PRR16: variants seen among roughly 807,000 people sequenced by gnomAD.
PRR16 encodes the protein proline rich 16.
A neutral mutation model predicts 18.2 loss-of-function variants in PRR16; 6 were observed. The observed-to-expected ratio is 0.33, with a 90% CI of 0.18 to 0.65. The LOEUF (loss-of-function observed/expected upper bound fraction) is 0.65, where lower values mean the gene tolerates loss of function less well. Ranked by LOEUF, PRR16 falls within the 30% of genes least tolerant of loss-of-function variation. The pLI is 0.74. For synonymous variants in PRR16, 151 were observed against 147.8 expected, an observed-to-expected ratio of 1.02 and a Z score of -0.16; for missense variants, 412 against 376.6, an observed-to-expected ratio of 1.09 and a Z score of -0.78.
intron 1 of PRR16, among the ~76,000 whole-genome samples, chr5:120,471,664 A>C (rs909085178): frequency 6.6e-6 from 1 of 152,086 alleles, no homozygotes; most frequent in African/African-American, 2.4e-5. Flanking sequence ...TTATTCTAAA[A>C]TTGTTTGTTT....
the PRR16 span, among the ~76,000 whole-genome samples, chr5:120,774,843 A>T: frequency 6.6e-6 from 1 of 152,184 alleles, no homozygotes; most frequent in African/African-American, 2.4e-5. Context: ...TATGTACATA[A>T]ATCTGAATAT....
At chr5:120,757,819 A>C in the PRR16 span, among the ~76,000 whole-genome samples, 1 of 133,078 alleles carries the variant, frequency 7.5e-6, no homozygotes, top group Non-Finnish European at 1.8e-5. Flanking sequence ...TGATATACTC[A>C]AAATGAAGGT....
At chr5:120,699,840 C>T in the PRR16 span, among the ~76,000 whole-genome samples, 3 of 152,148 alleles carry the variant, frequency 2.0e-5, no homozygotes, top group African/African-American at 7.2e-5. Context: ...AGAGATCAGT[C>T]AGACAAGATT....
chr5:120,765,071 C>CA, the PRR16 span, among the ~76,000 whole-genome samples: 684 of 151,944 alleles, frequency 4.5e-3, 8 homozygotes, highest in Middle Eastern at 0.024. Context: ...TGAAACCTGA[C>CA]ATATTTATTT....
intron 1 of PRR16, among the ~76,000 whole-genome samples, chr5:120,465,933 T>C (rs377367142): frequency 6.6e-6 from 1 of 152,304 alleles, no homozygotes; most frequent in East Asian, 1.9e-4. Flanking sequence ...CCCCCTCGTC[T>C]TCCTCCCCTT....
chr5:120,570,068 G>A (rs893189769), intron 1 of PRR16, among the ~76,000 whole-genome samples: 2 of 152,086 alleles, frequency 1.3e-5, no homozygotes, highest in African/African-American at 4.8e-5. Context: ...GTGTCCCCAG[G>A]ATTTGCTTCA....
the PRR16 span, among the ~76,000 whole-genome samples, chr5:120,696,594 T>G: frequency 6.6e-6 from 1 of 152,230 alleles, no homozygotes; most frequent in African/African-American, 2.4e-5. Context: ...TTTCCTCATT[T>G]GAGATAAAAT....
chr5:120,625,218 G>A (rs1327981581), intron 1 of PRR16, among the ~76,000 whole-genome samples: 1 of 152,114 alleles, frequency 6.6e-6, no homozygotes, highest in Admixed American at 6.6e-5. Context: ...ATCTAATTCT[G>A]GTACTTTGTC....
the PRR16 span, among the ~76,000 whole-genome samples, chr5:120,794,166 A>G: frequency 1.2e-4 from 19 of 152,128 alleles, no homozygotes; most frequent in East Asian, 3.3e-3. Flanking sequence ...GCCAAAACAA[A>G]GAGATGCAGA....
intron 1 of PRR16, among the ~76,000 whole-genome samples, chr5:120,683,104 A>G (rs1004080374): frequency 6.6e-6 from 1 of 152,154 alleles, no homozygotes; most frequent in Admixed American, 6.5e-5. Context: ...AGAGATTGGG[A>G]ACAGAAATAC....
intron 1 of PRR16, among the ~76,000 whole-genome samples, chr5:120,475,811 A>T (rs969133217): frequency 1.3e-5 from 2 of 152,186 alleles, no homozygotes; most frequent in Non-Finnish European, 2.9e-5. Context: ...TATTCCATAT[A>T]GATAAAATAG....
chr5:120,763,989 G>T, the PRR16 span, among the ~76,000 whole-genome samples: 1 of 152,054 alleles, frequency 6.6e-6, no homozygotes, highest in Admixed American at 6.6e-5. Flanking sequence ...AATGTAAGAG[G>T]ATCCTCTAAA....
the PRR16 span, among the ~76,000 whole-genome samples, chr5:120,697,871 A>G: frequency 6.6e-6 from 1 of 152,034 alleles, no homozygotes; most frequent in African/African-American, 2.4e-5. Flanking sequence ...CAAACTTAAG[A>G]CAAAAGAAGT....
At chr5:120,674,380 T>G (rs1445189825) in intron 1 of PRR16, among the ~76,000 whole-genome samples, 1 of 152,236 alleles carries the variant, frequency 6.6e-6, no homozygotes, top group Non-Finnish European at 1.5e-5. Flanking sequence ...AGAATGGATG[T>G]GAAGGAAGTA....
At chr5:120,598,453 G>A (rs1268142339) in intron 1 of PRR16, among the ~76,000 whole-genome samples, 5 of 151,248 alleles carry the variant, frequency 3.3e-5, no homozygotes, top group African/African-American at 9.7e-5. Context: ...TTTTTGAATC[G>A]GGGTAATATG....
At chr5:120,629,056 C>G (rs1190479522) in intron 1 of PRR16, among the ~76,000 whole-genome samples, 12 of 151,904 alleles carry the variant, frequency 7.9e-5, no homozygotes, top group Non-Finnish European at 5.9e-5. Flanking sequence ...TCAAATAGGC[C>G]TCAGTGTCTG....
chr5:120,704,641 A>G, the PRR16 span, among the ~76,000 whole-genome samples: 4 of 152,204 alleles, frequency 2.6e-5, no homozygotes, highest in African/African-American at 7.2e-5. Flanking sequence ...ATCACTTGGG[A>G]AGCTTCACAC....
chr5:120,744,549 C>A, the PRR16 span, among the ~76,000 whole-genome samples: 2 of 152,144 alleles, frequency 1.3e-5, no homozygotes, highest in Non-Finnish European at 2.9e-5. Flanking sequence ...AGAGGACAGC[C>A]AGATAAGACT....
the PRR16 span, among the ~76,000 whole-genome samples, chr5:120,732,682 C>T: frequency 2.0e-5 from 3 of 152,068 alleles, no homozygotes; most frequent in East Asian, 1.9e-4. Flanking sequence ...GTAAAGATGG[C>T]CCACTAGGTC....
Sources: gnomAD v4.1 joint callset for allele counts (sites outside exome capture counted in the v4.1 genomes callset) on GRCh38, gnomAD v4.1.1 for gene constraint, MANE v1.5 for transcripts, NCBI Gene and HGNC (gene_info 2026-07-23, HGNC 2026-07-21) for gene names.